PACRG: variants seen among roughly 807,000 people sequenced by gnomAD.
PACRG encodes parkin coregulated, also known as parkin coregulated gene protein.
In PACRG, 29 loss-of-function variants were observed where a neutral mutation model predicts 29.7. The ratio of observed to expected loss-of-function variants is 0.98; its 90% confidence interval spans 0.73 to 1.33. The LOEUF is 1.33. Among genes scored for constraint, PACRG ranks in the 40% most tolerant of loss-of-function variants. The pLI is 0.00. For missense variants in PACRG, 279 were observed against 316.2 expected (o/e 0.88, Z 0.89); for synonymous variants, 116 against 118.7 (o/e 0.98, Z 0.15).
intron 2 of PACRG, among the ~76,000 whole-genome samples, chr6:162,947,615 T>TATATATATATATATAAAATC (rs1799294441): frequency 4.4e-5 from 1 of 22,526 alleles, no homozygotes; most frequent in African/African-American, 1.4e-4. Context: ...TATAATCATA[T>TATATATATATATATAAAATC]ATATATATAT....
chr6:162,817,203 G>C (rs894651240), intron 2 of PACRG, among the ~76,000 whole-genome samples: 2 of 152,206 alleles, frequency 1.3e-5, no homozygotes, highest in Admixed American at 1.3e-4. Flanking sequence ...GTGCTGGTCT[G>C]GGGATCCCTC....
intron 2 of PACRG, among the ~76,000 whole-genome samples, chr6:162,836,145 C>T (rs1409840572): frequency 3.9e-5 from 6 of 151,998 alleles, no homozygotes; most frequent in African/African-American, 1.4e-4. Flanking sequence ...GGTAATACTT[C>T]ATACATTCAT....
chr6:163,015,973 G>A (rs1806060656), intron 2 of PACRG, among the ~76,000 whole-genome samples: 1 of 152,166 alleles, frequency 6.6e-6, no homozygotes. Context: ...AAGAGAGAGG[G>A]TATGACCTGT....
Position 162,909,716 on chromosome 6 carries a change from A to T in PACRG, c.291+95435A>T, listed in dbSNP as rs115232914. Reference sequence around the variant, plus strand: ...TTAGCATTTGTCACACTGCATTATAATATTTGATGGTGGGGTTATTGGCCA... The same window carrying T: ...TTAGCATTTGTCACACTGCATTATATTATTTGATGGTGGGGTTATTGGCCA... On this transcript the variant is annotated intron_variant, in intron 2 of 4. Transcript: ENST00000366888. Among the ~76,000 whole-genome samples, 382 of 152,172 alleles carry T rather than the reference A, an allele frequency of 2.5e-3. 2 individuals carry two copies. The highest frequency in any genetic ancestry group is 8.7e-3 in the African/African-American group (361 of 41,516).
At chr6:163,163,428 C>T (rs568050449) in intron 4 of PACRG, among the ~76,000 whole-genome samples, 4 of 152,128 alleles carry the variant, frequency 2.6e-5, no homozygotes, top group Non-Finnish European at 2.9e-5. Flanking sequence ...ACTGCCACCA[C>T]GCCCGACTAA....
rs576262434 is a variant in PACRG at position 163,055,193 on chromosome 6, C to T, written c.292-6957C>T. 7.2e-5 allele frequency among the ~76,000 whole-genome samples: 11 copies of T among 152,080 alleles called. No homozygotes were observed. Among genetic ancestry groups the T allele is most frequent in the South Asian group, 2.1e-4 (1 of 4,808 alleles). The stretch of plus-strand genomic sequence containing the variant: ...TATGAAGAATAATGTGGAAATGGAG[C>T]GGGGACCGGGGACAGTGTGGAAATG... On this transcript the variant is annotated intron_variant, in intron 2 of 4. Coordinates refer to ENST00000366888, the MANE Select transcript of PACRG (RefSeq NM_001080379.2). This position sits in a 1 kb window ranked among gnomAD's most constrained non-coding sequence, Gnocchi z 4.0.
At chr6:163,279,142 G>A (rs148323823) in intron 4 of PACRG, among the ~76,000 whole-genome samples, 1,706 of 152,242 alleles carry the variant, frequency 0.011, 34 homozygotes, top group African/African-American at 0.039. Flanking sequence ...CAGCTTGGTC[G>A]CTGTTGGTGT....
At chr6:162,958,735 CGTGTGT>C (rs139595345) in intron 2 of PACRG, among the ~76,000 whole-genome samples, 13 of 144,760 alleles carry the variant, frequency 9.0e-5, no homozygotes, top group African/African-American at 3.1e-4. Context: ...TACACATATG[CGTGTGT>C]GTGTGTGTGT....
chr6:163,282,554 T>C (rs564945861), intron 4 of PACRG, among the ~76,000 whole-genome samples: 1 of 151,726 alleles, frequency 6.6e-6, no homozygotes, highest in African/African-American at 2.4e-5. Context: ...CTACTAAAAA[T>C]ACAAAAAATT....
intron 2 of PACRG, among the ~76,000 whole-genome samples, chr6:162,959,535 G>C (rs2128142106): frequency 6.6e-6 from 1 of 152,268 alleles, no homozygotes; most frequent in Non-Finnish European, 1.5e-5. Flanking sequence ...GAAGCTTTAG[G>C]CTATACAGAC....
At chr6:162,912,252 T>G (rs1796352603) in intron 2 of PACRG, among the ~76,000 whole-genome samples, 1 of 152,218 alleles carries the variant, frequency 6.6e-6, no homozygotes, top group South Asian at 2.1e-4. Flanking sequence ...AACTTCCAGG[T>G]TGCCTCCAAT....
chr6:162,890,919 C>G (rs529575070), intron 2 of PACRG, among the ~76,000 whole-genome samples: 1 of 152,174 alleles, frequency 6.6e-6, no homozygotes, highest in Non-Finnish European at 1.5e-5. Flanking sequence ...GCAGCTTCCA[C>G]CCAGCTGCAC....
At chr6:163,206,710 C>G (rs1780916953) in intron 4 of PACRG, among the ~76,000 whole-genome samples, 1 of 150,766 alleles carries the variant, frequency 6.6e-6, no homozygotes, top group Non-Finnish European at 1.5e-5. Context: ...AAGTAAACCC[C>G]CAAAAAAGAA....
intron 2 of PACRG, among the ~76,000 whole-genome samples, chr6:163,004,817 G>T (rs1336427270): frequency 6.7e-6 from 1 of 149,454 alleles, no homozygotes; most frequent in East Asian, 2.0e-4. Context: ...ATACTTATTT[G>T]TTCGTTCATT....
At chr6:163,250,764 A>G (rs1054198003) in intron 4 of PACRG, among the ~76,000 whole-genome samples, 1 of 152,096 alleles carries the variant, frequency 6.6e-6, no homozygotes, top group Non-Finnish European at 1.5e-5. Context: ...TTATAGCACA[A>G]TTTATATTTA....
chr6:162,848,352 C>G (rs12527960), intron 2 of PACRG, among the ~76,000 whole-genome samples: 10,050 of 152,252 alleles, frequency 0.066, 513 homozygotes, highest in East Asian at 0.29. Context: ...ATCTATCTGA[C>G]TAGCTGGCCA....
chr6:162,895,306 A>G (rs1356845618), intron 2 of PACRG, among the ~76,000 whole-genome samples: 2 of 151,730 alleles, frequency 1.3e-5, no homozygotes, highest in Non-Finnish European at 2.9e-5. Context: ...ACTTCAAATG[A>G]ATGAATACTA....
At chr6:162,942,488 G>A (rs1220359278) in intron 2 of PACRG, among the ~76,000 whole-genome samples, 1 of 151,928 alleles carries the variant, frequency 6.6e-6, no homozygotes, top group African/African-American at 2.4e-5. Context: ...TATTCAGTGT[G>A]GATAACCAGC....
At chr6:163,083,747 A>G (rs1813288674) in intron 3 of PACRG, among the ~76,000 whole-genome samples, 1 of 152,198 alleles carries the variant, frequency 6.6e-6, no homozygotes, top group South Asian at 2.1e-4. Flanking sequence ...TAAAGCTATT[A>G]ACATTTAAAG....
Sources: allele counts gnomAD v4.1 joint callset (sites outside exome capture counted in the v4.1 genomes callset), GRCh38; gene constraint gnomAD v4.1.1; non-coding constraint Gnocchi (gnomAD v3.1); transcripts MANE v1.5; gene names NCBI Gene and HGNC (gene_info 2026-07-23, HGNC 2026-07-21).